Variants in RXFP1 observed in about 807,000 individuals in gnomAD.
RXFP1 encodes the protein relaxin family peptide receptor 1.
A neutral mutation model predicts 89.8 loss-of-function variants in RXFP1; 73 were observed. The observed-to-expected ratio is 0.81, with a 90% CI of 0.67 to 0.99. RXFP1 has a LOEUF of 0.99. RXFP1 is among the 50% of genes least tolerant of loss of function. RXFP1 has a pLI of 0.00. For synonymous variants in RXFP1, 277 were observed against 305.5 expected (o/e 0.91, Z 0.97); for missense variants, 793 against 895.5 (o/e 0.89, Z 1.46).
intron 1 of RXFP1, among the ~76,000 whole-genome samples, chr4:158,541,042 G>A (rs1424321398): frequency 6.6e-6 from 1 of 152,154 alleles, no homozygotes. Flanking sequence ...CTTTTCTGTA[G>A]TCTGTAGACA....
chr4:158,602,499 G>A (rs1260895940), intron 4 of RXFP1, among the ~76,000 whole-genome samples: 1 of 151,494 alleles, frequency 6.6e-6, no homozygotes, highest in Non-Finnish European at 1.5e-5. Context: ...ATCCTCCAAA[G>A]TTCCTAATAG....
intron 9 of RXFP1, among the ~76,000 whole-genome samples, chr4:158,619,907 T>C (rs1307868238): frequency 5.9e-5 from 9 of 151,798 alleles, no homozygotes; most frequent in African/African-American, 2.2e-4. Context: ...GGAAATGCTC[T>C]TATGAGAGTT....
At chr4:158,568,122 C>T (rs1213308693) in intron 1 of RXFP1, among the ~76,000 whole-genome samples, 1 of 152,166 alleles carries the variant, frequency 6.6e-6, no homozygotes, top group Non-Finnish European at 1.5e-5. Flanking sequence ...AGCTTCACTC[C>T]TGAGCCAGTG....
intron 1 of RXFP1, among the ~76,000 whole-genome samples, chr4:158,536,507 C>T (rs1745311875): frequency 6.6e-6 from 1 of 152,132 alleles, no homozygotes; most frequent in South Asian, 2.1e-4. Flanking sequence ...CATAGTCATG[C>T]TATCTAGAGA....
intron 9 of RXFP1, among the ~76,000 whole-genome samples, chr4:158,626,577 C>T (rs1766882551): frequency 6.6e-6 from 1 of 151,946 alleles, no homozygotes; most frequent in Non-Finnish European, 1.5e-5. Context: ...ATATACATGC[C>T]CGTATGCACT....
chr4:158,588,710 A>G (rs976569778), intron 2 of RXFP1, among the ~76,000 whole-genome samples: 28 of 152,226 alleles, frequency 1.8e-4, no homozygotes, highest in African/African-American at 6.3e-4. Context: ...TCTCTGCTGC[A>G]CAGGAAAACA....
chr4:158,585,188 A>G (rs1157261597), intron 2 of RXFP1, among the ~76,000 whole-genome samples: 1 of 152,242 alleles, frequency 6.6e-6, no homozygotes, highest in Non-Finnish European at 1.5e-5. Context: ...ATATGGAAAG[A>G]GTTAAACAAA....
intron 1 of RXFP1, among the ~76,000 whole-genome samples, chr4:158,571,672 A>G (rs1394252783): frequency 6.6e-6 from 1 of 152,176 alleles, no homozygotes; most frequent in Non-Finnish European, 1.5e-5. Flanking sequence ...CAAAAAGAAA[A>G]AAGAAAAAAA....
In RXFP1 at chr4:158,653,036, C is replaced by T. The variant is rs1195559583; in HGVS notation, c.*981C>T. ...GAGCTGGAATGCACTGATTCAGGAA[C>T]TTAATTTCAGGAAGGAAAGGTCTGT... On this transcript the variant is annotated 3_prime_UTR_variant, in exon 18 of 18. Transcript: ENST00000307765. The T allele has an allele frequency of 6.6e-6, 1 of 152,180 alleles. No individual in the cohort carries two copies. Among genetic ancestry groups the T allele is most frequent in the Non-Finnish European group, 1.5e-5 (1 of 68,022 alleles). The allele number at this position is 152,180 out of a possible 1,614,324, so 9.4% of individuals were successfully genotyped here. A position where few individuals can be genotyped will look rare whatever the true frequency, so the allele number is the denominator to read the frequency against.
intron 2 of RXFP1, 170 bp downstream of exon 2, chr4:158,573,005 T>C: frequency 9.5e-7 from 1 of 1,054,652 alleles, no homozygotes; most frequent in Non-Finnish European, 1.3e-6. Context: ...CACTCTTTTC[T>C]TTTCTTGTTT....
At chr4:158,594,736 AT>A (rs1760207594) in intron 3 of RXFP1, among the ~76,000 whole-genome samples, 1 of 152,084 alleles carries the variant, frequency 6.6e-6, no homozygotes, top group African/African-American at 2.4e-5. Context: ...TTAAACATGT[AT>A]TTTTTATAAT....
chr4:158,575,256 G>A (rs1471409273), intron 2 of RXFP1, among the ~76,000 whole-genome samples: 2 of 152,150 alleles, frequency 1.3e-5, no homozygotes, highest in Admixed American at 1.3e-4. Context: ...TTTAGACAGA[G>A]GCAATAGGGC....
intron 1 of RXFP1, among the ~76,000 whole-genome samples, chr4:158,542,123 A>G (rs1444490909): frequency 1.8e-5 from 1 of 56,454 alleles, no homozygotes; most frequent in Non-Finnish European, 4.0e-5. Flanking sequence ...TTTTTTTAGT[A>G]GAGACAGGGT....
rs1771253984 is a variant in RXFP1, at chr4:158,645,111, T to C, written c.1318T>C (p.Tyr440His). ...TTATATCAGGTCTGAGAACAAGCTGTATGCCATGTCAATCATTTCTCTCTG... is the reference window on the plus strand; with the variant it reads ...TTATATCAGGTCTGAGAACAAGCTGCATGCCATGTCAATCATTTCTCTCTG... ...RPYIRSENKL[Y>H]AMSIISLCCA... The change falls in exon 15 of 18, where the codon TAT (tyrosine) becomes CAT (histidine). Residue 440 changes from tyrosine (Y) to histidine (H), a missense_variant. Transcript: ENST00000307765. 2 of 1,613,784 alleles carry C rather than the reference T, an allele frequency of 1.2e-6. No individual in the cohort carries two copies. The highest frequency in any genetic ancestry group is 1.7e-6 in the Non-Finnish European group (2 of 1,179,636).
chr4:158,650,182 T>C (rs972252777), intron 17 of RXFP1, among the ~76,000 whole-genome samples: 3 of 152,106 alleles, frequency 2.0e-5, no homozygotes, highest in Admixed American at 6.6e-5. Flanking sequence ...GTTTCTGATA[T>C]AGTTAGATTC....
rs188306101 is a variant in RXFP1, at chr4:158,642,216, G to A, written c.1116-2693G>A. On this transcript the variant is annotated intron_variant, in intron 14 of 17. Transcript: ENST00000307765. ...CATGGGGGTACATAGTGATGTTTTG[G>A]TACATACAATGTATAGTGATCAGAT... is the stretch of plus-strand genomic sequence containing the variant. Among the ~76,000 whole-genome samples, 25 of 151,832 alleles carry A rather than the reference G, an allele frequency of 1.6e-4. No homozygotes were observed. In the East Asian group the frequency reaches 3.5e-3, roughly 21 times the overall value.
intron 8 of RXFP1, among the ~76,000 whole-genome samples, chr4:158,614,414 C>T (rs576079081): frequency 6.6e-6 from 1 of 152,154 alleles, no homozygotes; most frequent in South Asian, 2.1e-4. Context: ...AGTGGAACCA[C>T]CTTCATGAAT....
chr4:158,599,432 GT>G lies in RXFP1; in HGVS notation c.392+2del, dbSNP rs768539610. 6.2e-7 allele frequency: 1 copy of G among 1,612,110 alleles called. No individual in the cohort carries two copies. On this transcript the variant is annotated splice_donor_variant, in intron 4 of 17. Coordinates refer to ENST00000307765, the MANE Select transcript of RXFP1 (RefSeq NM_021634.4). LOFTEE classifies it high-confidence loss of function. ...CGGTTTCTTCAAATGTGACTGCAAT[GT>G]AAGTAGAAAAGAATTACTTCATCCT... is the stretch of plus-strand genomic sequence containing the variant.
intron 2 of RXFP1, among the ~76,000 whole-genome samples, chr4:158,592,518 G>C (rs1487584478): frequency 6.6e-6 from 1 of 152,174 alleles, no homozygotes; most frequent in Non-Finnish European, 1.5e-5. Flanking sequence ...AGGTTGCAGT[G>C]AGCCAAGATA....
Sources: allele counts gnomAD v4.1 joint callset (sites outside exome capture counted in the v4.1 genomes callset), GRCh38; gene constraint gnomAD v4.1.1; transcripts MANE v1.5; gene names NCBI Gene and HGNC (gene_info 2026-07-23, HGNC 2026-07-21).